CGNL1: variants seen among roughly 807,000 people sequenced by gnomAD.
CGNL1 encodes the protein cingulin-like protein 1.
In CGNL1, 132 loss-of-function variants were observed where a neutral mutation model predicts 141.2. That is an observed-to-expected ratio of 0.93 (90% CI 0.81 to 1.08). CGNL1 has a LOEUF of 1.08. Ranked by LOEUF, CGNL1 falls within the 50% of genes least tolerant of loss-of-function variation. The probability of loss-of-function intolerance (pLI) is 0.00; values close to 1 mark genes in which losing one functional copy is unlikely to be tolerated. For missense variants in CGNL1, 1,870 were observed against 1,588.6 expected (o/e 1.18, Z -3.01); for synonymous variants, 690 against 622.1 (o/e 1.11, Z -1.63).
rs2033051826 is a variant in CGNL1, at chr15:57,550,184, C to CG, written c.*2696dup. 2 of 152,208 alleles carry CG rather than the reference C, an allele frequency of 1.3e-5. No individual in the cohort carries two copies. Among genetic ancestry groups the CG allele is most frequent in the South Asian group, 4.1e-4 (2 of 4,828 alleles). The allele number at this position is 152,208 out of a possible 1,614,324, so 9.4% of individuals were successfully genotyped here. A position where few individuals can be genotyped will look rare whatever the true frequency, so the allele number is the denominator to read the frequency against. On this transcript the variant is annotated 3_prime_UTR_variant, in exon 19 of 19. Transcript: ENST00000281282. The stretch of plus-strand genomic sequence containing the variant: ...ACTCTGAGGGAGTTGGCAACGCATG[C>CG]GGTATAGTGGAGTGGGAAGAGTTGA...
chr15:57,476,098 G>C (rs952210771), intron 8 of CGNL1, among the ~76,000 whole-genome samples: 2 of 152,202 alleles, frequency 1.3e-5, no homozygotes, highest in Non-Finnish European at 2.9e-5. Context: ...CTCTTCCCCA[G>C]CCTAGTAGAG....
intron 14 of CGNL1, among the ~76,000 whole-genome samples, chr15:57,542,296 T>C (rs1250774370): frequency 6.6e-6 from 1 of 152,206 alleles, no homozygotes; most frequent in Admixed American, 6.5e-5. Context: ...CTTAGCCACG[T>C]TGGATCCTGG....
At chr15:57,513,253 GGTGTGTGTGTGT>G (rs369204678) in intron 8 of CGNL1, among the ~76,000 whole-genome samples, 24 of 133,998 alleles carry the variant, frequency 1.8e-4, no homozygotes, top group African/African-American at 3.4e-4. Context: ...TGTCAATATG[GGTGTGTGTGTGT>G]GTGTGTGTGT....
chr15:57,541,243 C>G (rs1567178262), intron 14 of CGNL1, among the ~76,000 whole-genome samples: 1 of 152,214 alleles, frequency 6.6e-6, no homozygotes. Context: ...TTTCCCATTG[C>G]AGTGGAAATT....
intron 8 of CGNL1, among the ~76,000 whole-genome samples, chr15:57,513,913 T>C (rs193291439): frequency 1.4e-4 from 21 of 152,318 alleles, no homozygotes; most frequent in African/African-American, 4.3e-4. Flanking sequence ...ACTGGCAAAC[T>C]GTTTTCCAAA....
At chr15:57,482,237 A>G (rs767164718) in intron 8 of CGNL1, among the ~76,000 whole-genome samples, 38 of 152,226 alleles carry the variant, frequency 2.5e-4, no homozygotes, top group Admixed American at 1.0e-3. Context: ...ACAAAACAAA[A>G]CAAAACAAAA....
chr15:57,398,642 A>G (rs575265616), intron 1 of CGNL1, among the ~76,000 whole-genome samples: 1 of 152,324 alleles, frequency 6.6e-6, no homozygotes, highest in East Asian at 1.9e-4. Context: ...TTTCAAACAT[A>G]ATAACTGAGC....
At chr15:57,498,246 T>C (rs1479288399) in intron 8 of CGNL1, among the ~76,000 whole-genome samples, 1 of 4,812 alleles carries the variant, frequency 2.1e-4, no homozygotes, top group South Asian at 4.8e-3. Context: ...GGGGAAACAG[T>C]TTTTTTTTTT....
chr15:57,463,977 C>G (rs531912720), intron 8 of CGNL1, among the ~76,000 whole-genome samples: 51 of 152,266 alleles, frequency 3.3e-4, no homozygotes, highest in African/African-American at 1.2e-3. Flanking sequence ...GGCCATTCTT[C>G]TACTGTAGTT....
chr15:57,394,099 C>CTTTTTTTTTTTTTTTTT (rs1555429893), intron 1 of CGNL1: 3 of 34,160 alleles, frequency 8.8e-5, no homozygotes, highest in African/African-American at 1.5e-4. Flanking sequence ...AGGGTAATTT[C>CTTTTTTTTTTTTTTTTT]TGTTTGTTTT....
At chr15:57,536,783 G>C (rs1269633618) in intron 14 of CGNL1, among the ~76,000 whole-genome samples, 1 of 152,176 alleles carries the variant, frequency 6.6e-6, no homozygotes, top group East Asian at 1.9e-4. Context: ...GGCTTTCAAG[G>C]TGAAGTGACT....
At chr15:57,389,902 AC>A (rs2062523723) in intron 1 of CGNL1, among the ~76,000 whole-genome samples, 3 of 141,620 alleles carry the variant, frequency 2.1e-5, no homozygotes, top group Admixed American at 7.1e-5. Flanking sequence ...GCAACCTCCC[AC>A]CTCCTGGGTC....
chr15:57,385,101 T>C (rs1048501581), intron 1 of CGNL1, among the ~76,000 whole-genome samples: 1 of 152,222 alleles, frequency 6.6e-6, no homozygotes, highest in Non-Finnish European at 1.5e-5. Context: ...CAGACTTCCA[T>C]GCATTGTTCG....
chr15:57,452,288 G>A lies in CGNL1; in HGVS notation c.2053G>A (p.Glu685Lys). Residue 685 changes from glutamate to lysine, a missense_variant and splice_region_variant, in exon 6 of 19, where the codon GAG becomes AAG. Physicochemically the swap from Glu to Lys is moderately conservative, Grantham distance 56. Transcript: ENST00000281282. ...SEGELRKNLE[E>K]LFQVKMEREQ... The stretch of plus-strand genomic sequence containing the variant: ...AGGGGAGCTCCGGAAGAATCTGGAG[G>A]AGTAAGTTCTGGGCTGAGAGCCTGT... The A allele has an allele frequency of 6.2e-7, 1 of 1,613,226 alleles. No individual in the cohort carries two copies. The highest frequency in any genetic ancestry group is 8.5e-7 in the Non-Finnish European group (1 of 1,179,560).
chr15:57,464,714 C>CCTTTCCTTT (rs2063489593), intron 8 of CGNL1, among the ~76,000 whole-genome samples: 1 of 142,916 alleles, frequency 7.0e-6, no homozygotes, highest in South Asian at 2.2e-4. Context: ...CCTTTCCTTT[C>CCTTTCCTTT]CTTTCCTTTC....
intron 8 of CGNL1, among the ~76,000 whole-genome samples, chr15:57,486,357 G>A (rs536937875): frequency 6.6e-6 from 1 of 152,230 alleles, no homozygotes; most frequent in East Asian, 1.9e-4. Context: ...TCAGGGAAGA[G>A]GTCGTGGGGG....
At chr15:57,382,872 C>T (rs2062438914) in intron 1 of CGNL1, among the ~76,000 whole-genome samples, 1 of 152,136 alleles carries the variant, frequency 6.6e-6, no homozygotes, top group South Asian at 2.1e-4. Context: ...AAACTTTCAA[C>T]AATGGGGCTC....
At chr15:57,507,478 A>C (rs1378249254) in intron 8 of CGNL1, among the ~76,000 whole-genome samples, 3 of 152,224 alleles carry the variant, frequency 2.0e-5, no homozygotes, top group Admixed American at 6.5e-5. Context: ...AAAACCAGAG[A>C]CATTTTTAAC....
chr15:57,511,282 A>G (rs1595781190), intron 8 of CGNL1, among the ~76,000 whole-genome samples: 2 of 152,154 alleles, frequency 1.3e-5, no homozygotes, highest in African/African-American at 4.8e-5. Context: ...GAAGCATGCT[A>G]TATCTACTAA....
Sources: allele counts gnomAD v4.1 joint callset (sites outside exome capture counted in the v4.1 genomes callset), GRCh38; gene constraint gnomAD v4.1.1; transcripts MANE v1.5; gene names NCBI Gene and HGNC (gene_info 2026-07-23, HGNC 2026-07-21).